Variants in TDRD12 observed in about 807,000 individuals in gnomAD.
TDRD12 encodes tudor domain containing 12, also known as putative ATP-dependent RNA helicase TDRD12.
A neutral mutation model predicts 133.5 loss-of-function variants in TDRD12; 158 were observed. The ratio of observed to expected loss-of-function variants is 1.18; its 90% CI spans 1.04 to 1.35. The LOEUF (loss-of-function observed/expected upper bound fraction) is 1.35, where lower values mean the gene tolerates loss of function less well. Among genes scored for constraint, TDRD12 ranks in the 40% most tolerant of loss-of-function variants. TDRD12 has a pLI of 0.00. For synonymous variants in TDRD12, 460 were observed against 477.9 expected, an observed-to-expected ratio of 0.96 and a Z score of 0.49; for missense variants, 1,443 against 1,321.3, an observed-to-expected ratio of 1.09 and a Z score of -1.43.
Position 32,798,392 on chromosome 19 carries a change from TC to T in TDRD12, c.1717del (p.Leu573TrpfsTer4). The stretch of plus-strand genomic sequence containing the variant: ...CTGTTCCTCAGGCTCTGCCACCTGA[TC>T]CTGGATGAGGTAGAGGTGCTATTCT... On this transcript the variant is annotated frameshift_variant, in exon 16 of 28. Coordinates refer to ENST00000444215, the Ensembl canonical transcript of TDRD12. LOFTEE classifies it high-confidence loss of function. The T allele has an allele frequency of 6.5e-7, 1 of 1,535,986 alleles. No individual in the cohort carries two copies. Among genetic ancestry groups the T allele is most frequent in the Non-Finnish European group, 8.7e-7 (1 of 1,146,822 alleles).
chr19:32,726,015 ACAT>A (rs1968846809), intron 1 of TDRD12, among the ~76,000 whole-genome samples: 1 of 152,138 alleles, frequency 6.6e-6, no homozygotes, highest in East Asian at 1.9e-4. Context: ...ATTGTAAAAA[ACAT>A]GTAACGAAGT....
intron 8 of TDRD12, among the ~76,000 whole-genome samples, chr19:32,771,162 T>G (rs1970433196): frequency 6.6e-6 from 1 of 152,106 alleles, no homozygotes; most frequent in African/African-American, 2.4e-5. Context: ...GAGGGAGTGC[T>G]AGGCTATTTA....
chr19:32,729,995 T>G (rs2145429223), intron 1 of TDRD12, among the ~76,000 whole-genome samples: 1 of 151,972 alleles, frequency 6.6e-6, no homozygotes, highest in Non-Finnish European at 1.5e-5. Context: ...TTTCATCGTG[T>G]TAGCTAGGAT....
intron 2 of TDRD12, among the ~76,000 whole-genome samples, chr19:32,737,947 A>G (rs565984162): frequency 6.6e-6 from 1 of 152,294 alleles, no homozygotes; most frequent in Non-Finnish European, 1.5e-5. Context: ...ATCCTGACCA[A>G]TATGATGAAA....
chr19:32,731,618 T>TAAG, intron 1 of TDRD12, 107 bp from the exon 2 acceptor site: 1 of 1,034,400 alleles, frequency 9.7e-7, no homozygotes, highest in East Asian at 2.7e-5. Flanking sequence ...TGTCAAGAAT[T>TAAG]TGTTAGGTCA....
intron 1 of TDRD12, among the ~76,000 whole-genome samples, chr19:32,724,042 A>G (rs1968779197): frequency 6.6e-6 from 1 of 151,850 alleles, no homozygotes; most frequent in African/African-American, 2.4e-5. Context: ...AAATTTTTTT[A>G]GAGACAGGGT....
At chr19:32,722,212 C>T (rs750559983) in intron 1 of TDRD12, among the ~76,000 whole-genome samples, 2 of 152,132 alleles carry the variant, frequency 1.3e-5, no homozygotes, top group Non-Finnish European at 2.9e-5. Context: ...GATGCTAGTC[C>T]GATTTCTTCT....
chr19:32,769,928 G>GC, intron 8 of TDRD12, among the ~76,000 whole-genome samples: 1 of 151,592 alleles, frequency 6.6e-6, no homozygotes, highest in South Asian at 2.1e-4. Flanking sequence ...GAGCCACTGT[G>GC]CCCAGCCTTG....
downstream of TDRD12, among the ~76,000 whole-genome samples, chr19:32,822,191 G>A (rs1178800802): frequency 1.3e-5 from 2 of 152,146 alleles, no homozygotes; most frequent in Non-Finnish European, 2.9e-5. Context: ...ACACTTTGGG[G>A]GGCTGAGGCA....
chr19:32,747,746 C>T (rs554488681), intron 4 of TDRD12, among the ~76,000 whole-genome samples: 4 of 152,258 alleles, frequency 2.6e-5, no homozygotes, highest in South Asian at 4.2e-4. Context: ...CGTTAGCTCA[C>T]GCCTGTAATC....
At chr19:32,783,036 C>G (rs955290317) in intron 11 of TDRD12, among the ~76,000 whole-genome samples, 1 of 152,096 alleles carries the variant, frequency 6.6e-6, no homozygotes, top group Non-Finnish European at 1.5e-5. Flanking sequence ...GAAGTCTTTG[C>G]CCATGCTTGT....
intron 4 of TDRD12, among the ~76,000 whole-genome samples, chr19:32,746,565 T>G (rs1430737039): frequency 4.1e-5 from 6 of 146,488 alleles, no homozygotes; most frequent in Admixed American, 4.1e-4. Flanking sequence ...ATGTGGTTAT[T>G]CTGTGTGTGT....
chr19:32,802,654 A>T lies in TDRD12; in HGVS notation c.2198-2A>T. On this transcript the variant is annotated splice_acceptor_variant, in intron 19 of 27. Transcript: ENST00000444215. LOFTEE classifies it high-confidence loss of function. The stretch of plus-strand genomic sequence containing the variant: ...TGACATTGTCGGACTCCCTCTCTGC[A>T]GCCCTCACAGACGACTGCGTCCCAC... The T allele has an allele frequency of 2.6e-6, 4 of 1,535,902 alleles. No homozygotes were observed. The highest frequency in any genetic ancestry group is 3.5e-6 in the Non-Finnish European group (4 of 1,146,814).
exon 13 of TDRD12, chr19:32,791,064 A>G (rs761679243): frequency 1.8e-5 from 28 of 1,530,044 alleles, no homozygotes; most frequent in Non-Finnish European, 2.4e-5. Flanking sequence ...GCAGACCTGA[A>G]GAAGGTAAAA....
At chr19:32,773,325 T>G (rs1274676078) in intron 9 of TDRD12, 131 bp from the exon 10 acceptor site, 1 of 780,704 alleles carries the variant, frequency 1.3e-6, no homozygotes, top group Non-Finnish European at 2.2e-6. Context: ...TCTCTCTATC[T>G]CTGTGTGTGC....
intron 11 of TDRD12, among the ~76,000 whole-genome samples, chr19:32,777,908 G>A (rs1264820721): frequency 5.4e-5 from 6 of 110,744 alleles, no homozygotes; most frequent in Admixed American, 2.5e-4. Context: ...CGAGGGTCTC[G>A]CTATGTTACC....
chr19:32,735,659 A>T (rs929832270), intron 2 of TDRD12, among the ~76,000 whole-genome samples: 1 of 152,232 alleles, frequency 6.6e-6, no homozygotes, highest in African/African-American at 2.4e-5. Context: ...GATGTCTTCT[A>T]GGACTTCCAG....
At chr19:32,738,964 G>A in exon 3 of TDRD12, 1 of 1,550,818 alleles carries the variant, frequency 6.4e-7, no homozygotes, top group Non-Finnish European at 8.7e-7. Context: ...TGTGGACTTT[G>A]CCAAGAACAT....
rs397860060 is a variant in TDRD12, at chr19:32,805,729, C to CTT, written c.2553-1801_2553-1800dup. Among the ~76,000 whole-genome samples, 586 of 118,858 alleles carry CTT rather than the reference C, an allele frequency of 4.9e-3. 18 individuals carry two copies. Among genetic ancestry groups the CTT allele is most frequent in the African/African-American group, 0.017 (509 of 30,464 alleles). 78.0% of individuals were successfully genotyped at this position (118,858 alleles called of 152,430 possible). A position where few individuals can be genotyped will look rare whatever the true frequency, so the allele number is the denominator to read the frequency against. On this transcript the variant is annotated intron_variant, in intron 21 of 27. Transcript: ENST00000444215. ...TCCACATACACTTTATTTTTTTTAT[C>CTT]TTTTTTTTTTTTTTTTTTTTGAGAT...
Sources: allele counts gnomAD v4.1 joint callset (sites outside exome capture counted in the v4.1 genomes callset), GRCh38; gene constraint gnomAD v4.1.1; transcripts MANE v1.5; gene names NCBI Gene and HGNC (gene_info 2026-07-23, HGNC 2026-07-21).